The following HMCN1 variants were observed in gnomAD, a reference collection of about 807,000 sequenced individuals.
HMCN1 encodes the protein hemicentin-1.
Under a neutral mutation model 625.9 loss-of-function variants are expected in HMCN1, and 321 were observed. That is an observed-to-expected ratio of 0.51 (90% CI 0.47 to 0.56). HMCN1 has a LOEUF of 0.56. HMCN1 is among the 20% of genes least tolerant of loss of function. The pLI is 0.00. For synonymous variants in HMCN1, 2,425 were observed against 2,417.6 expected (o/e 1.00, Z -0.09); for missense variants, 6,588 against 6,887.3 (o/e 0.96, Z 1.54).
At chr1:186,086,176 T>C in intron 57 of HMCN1, 70 bp from the exon 58 acceptor site, 5 of 1,398,346 alleles carry the variant, frequency 3.6e-6, no homozygotes, top group Non-Finnish European at 5.1e-6. Flanking sequence ...AGTGGTTGGA[T>C]TTATATTTAG....
Position 185,925,206 on chromosome 1 carries a change from C to T in HMCN1, c.1430+15C>T. The T allele has an allele frequency of 6.2e-7, 1 of 1,605,918 alleles. No individual in the cohort carries two copies. Among genetic ancestry groups the T allele is most frequent in the Non-Finnish European group, 8.5e-7 (1 of 1,172,674 alleles). On this transcript the variant is annotated intron_variant, in intron 9 of 106. Transcript: ENST00000271588. ...CAGTATTTGAAGTAGGTACATGTTT[C>T]TGTCAGTAATAAGATTCAGCATTTA...
At chr1:185,968,033 T>A (rs55861690) in intron 14 of HMCN1, among the ~76,000 whole-genome samples, 4,472 of 152,264 alleles carry the variant, frequency 0.029, 217 homozygotes, top group African/African-American at 0.1. Flanking sequence ...TTATAAAAAG[T>A]ATATGTATGG....
chr1:185,755,975 C>A (rs1183413244), intron 1 of HMCN1, among the ~76,000 whole-genome samples: 1 of 152,044 alleles, frequency 6.6e-6, no homozygotes, highest in African/African-American at 2.4e-5. Context: ...TGCACTGAAG[C>A]CTCAAGTTCC....
intron 53 of HMCN1, among the ~76,000 whole-genome samples, chr1:186,075,319 A>G (rs1355639407): frequency 2.6e-5 from 4 of 152,122 alleles, no homozygotes; most frequent in Non-Finnish European, 5.9e-5. Context: ...CCCCCAAAAC[A>G]TGCAATTTAC....
At chr1:186,073,908 T>C (rs1421401624) in intron 52 of HMCN1, among the ~76,000 whole-genome samples, 2 of 152,034 alleles carry the variant, frequency 1.3e-5, no homozygotes, top group South Asian at 2.1e-4. Flanking sequence ...TTATAAGGTC[T>C]AGGTATGACT....
At chr1:186,088,526 A>T in intron 62 of HMCN1, 80 bp from the exon 63 acceptor site, 1 of 1,514,008 alleles carries the variant, frequency 6.6e-7, no homozygotes, top group Non-Finnish European at 9.0e-7. Context: ...ACGTAAAGTA[A>T]GACATTTTAT....
At chr1:186,030,840 T>C (rs1402458682) in intron 36 of HMCN1, among the ~76,000 whole-genome samples, 3 of 151,922 alleles carry the variant, frequency 2.0e-5, no homozygotes, top group Non-Finnish European at 2.9e-5. Flanking sequence ...GTTCTATTTT[T>C]AGTAGTTTTC....
At chr1:185,793,677 T>C (rs1170375186) in intron 1 of HMCN1, among the ~76,000 whole-genome samples, 1 of 152,226 alleles carries the variant, frequency 6.6e-6, no homozygotes, top group Non-Finnish European at 1.5e-5. Context: ...TTAATGTCAA[T>C]AGACAATTGA....
intron 37 of HMCN1, 23 bp from the exon 38 acceptor site, chr1:186,038,806 A>T: frequency 6.6e-7 from 1 of 1,520,286 alleles, no homozygotes; most frequent in Non-Finnish European, 9.1e-7. Context: ...TACATAGATC[A>T]TCTTCTCCCC....
At chr1:185,984,356 A>G (rs951275076) in intron 19 of HMCN1, 43 bp downstream of exon 19, 25 of 1,587,204 alleles carry the variant, frequency 1.6e-5, no homozygotes, top group Admixed American at 1.3e-4. Flanking sequence ...ACTGTGTTCA[A>G]AGTAGTTGTT....
intron 34 of HMCN1, among the ~76,000 whole-genome samples, chr1:186,019,224 A>T (rs1293551295): frequency 6.6e-6 from 1 of 152,040 alleles, no homozygotes; most frequent in Non-Finnish European, 1.5e-5. Flanking sequence ...AAGTAGTTCT[A>T]GAGAAAGGGA....
At chr1:186,025,695 C>T (rs187285836) in intron 36 of HMCN1, among the ~76,000 whole-genome samples, 190 of 152,124 alleles carry the variant, frequency 1.2e-3, no homozygotes, top group African/African-American at 3.9e-3. Flanking sequence ...TGTTGGTTGA[C>T]GGGAGATGCA....
chr1:185,782,339 C>T (rs949130735), intron 1 of HMCN1, among the ~76,000 whole-genome samples: 4 of 152,118 alleles, frequency 2.6e-5, no homozygotes, highest in African/African-American at 9.7e-5. Context: ...GCATTTAGCC[C>T]ATTTACATTT....
At chr1:185,768,393 A>G (rs1034663827) in intron 1 of HMCN1, among the ~76,000 whole-genome samples, 2 of 152,216 alleles carry the variant, frequency 1.3e-5, no homozygotes, top group African/African-American at 2.4e-5. Context: ...ACAGGAAAGC[A>G]TGTAAAAACA....
chr1:185,975,314 C>G (rs1651120159), intron 15 of HMCN1, among the ~76,000 whole-genome samples: 1 of 152,110 alleles, frequency 6.6e-6, no homozygotes, highest in African/African-American at 2.4e-5. Flanking sequence ...GTTCTGCAGG[C>G]TCTACAGAAA....
At chr1:186,118,231 A>G (rs181801885) in intron 77 of HMCN1, among the ~76,000 whole-genome samples, 1 of 152,306 alleles carries the variant, frequency 6.6e-6, no homozygotes, top group East Asian at 1.9e-4. Context: ...CTTATCCTAC[A>G]CTGGGGAAAC....
chr1:186,172,219 A>C (rs1229370689), intron 102 of HMCN1, 88 bp downstream of exon 102: 5 of 1,535,224 alleles, frequency 3.3e-6, no homozygotes, highest in Non-Finnish European at 4.5e-6. Flanking sequence ...TGATTAGAGT[A>C]AATTTAAGCT....
chr1:185,924,310 A>G (rs972659058), intron 8 of HMCN1, among the ~76,000 whole-genome samples: 17 of 135,456 alleles, frequency 1.3e-4, no homozygotes, highest in Admixed American at 1.8e-4. Context: ...GGCTCACTGC[A>G]AGCCCCGCCT....
chr1:186,167,988 T>C (rs1651982851), intron 100 of HMCN1, among the ~76,000 whole-genome samples: 1 of 151,368 alleles, frequency 6.6e-6, no homozygotes, highest in Non-Finnish European at 1.5e-5. Flanking sequence ...TGTCTATCAA[T>C]AAATGACGCA....
Sources: gnomAD v4.1 joint callset for allele counts (sites outside exome capture counted in the v4.1 genomes callset) on GRCh38, gnomAD v4.1.1 for gene constraint, MANE v1.5 for transcripts, NCBI Gene and HGNC (gene_info 2026-07-23, HGNC 2026-07-21) for gene names.